The following PNPT1 variants were observed in gnomAD, a reference collection of about 807,000 sequenced individuals.
PNPT1 encodes the protein polyribonucleotide nucleotidyltransferase 1, mitochondrial.
PNPT1 carries 53 observed loss-of-function variants against 119.5 expected under a neutral mutation model. The observed-to-expected ratio is 0.44, with a 90% confidence interval of 0.36 to 0.56. The LOEUF (loss-of-function observed/expected upper bound fraction) is 0.56, where lower values mean the gene tolerates loss of function less well. PNPT1 is among the 20% of genes least tolerant of loss of function. PNPT1 has a pLI of 0.00. For synonymous variants in PNPT1, 357 were observed against 322.1 expected (o/e 1.11, Z -1.16); for missense variants, 948 against 938.5 (o/e 1.01, Z -0.13).
chr2:55,668,807 T>G (rs1696817893), intron 11 of PNPT1, among the ~76,000 whole-genome samples: 1 of 150,570 alleles, frequency 6.6e-6, no homozygotes, highest in Non-Finnish European at 1.5e-5. Flanking sequence ...TCCACGTTGG[T>G]CAGGCTGGGC....
chr2:55,679,749 T>G lies in PNPT1; in HGVS notation c.612A>C (p.Pro204=), dbSNP rs575189952. The G allele has an allele frequency of 1.8e-5, 29 of 1,612,470 alleles. No individual in the cohort carries two copies. The highest frequency in any genetic ancestry group is 3.3e-5 in the South Asian group (3 of 90,764). The part of the protein sequence containing the change: ...GIIDGEYVVN[P]TRKEMSSSTL... ...TACTAGAAGACATTTCTTTTCTTGTTGGGTTAACAACATATTCTCCATCAA... is the reference window on the plus strand; with the variant it reads ...TACTAGAAGACATTTCTTTTCTTGTGGGGTTAACAACATATTCTCCATCAA... The change falls in exon 8 of 28, where the codon CCA becomes CCC. Residue 204 remains proline, a synonymous_variant. Coordinates refer to ENST00000447944, the MANE Select transcript of PNPT1 (RefSeq NM_033109.5).
At chr2:55,661,708 G>A (rs1218901502) in intron 14 of PNPT1, among the ~76,000 whole-genome samples, 1 of 152,156 alleles carries the variant, frequency 6.6e-6, no homozygotes, top group African/African-American at 2.4e-5. Flanking sequence ...TCTAGAGACA[G>A]AGAACAAACT....
In PNPT1 at chr2:55,667,766, G is replaced by GA. The variant is rs965563611; in HGVS notation, c.1073+95dup. 1.6e-4 allele frequency: 237 copies of GA among 1,456,530 alleles called. No individual in the cohort carries two copies. The Admixed American group carries it at 2.1e-3, about 13-fold the overall frequency. 90.2% of individuals were successfully genotyped at this position (1,456,530 alleles called of 1,614,324 possible). A position where few individuals can be genotyped will look rare whatever the true frequency, so the allele number is the denominator to read the frequency against. ...TATTATAATTCTTTACTGTTCACTT[G>GA]AAAAAAAACAAACTTTCTTTGATCA... On this transcript the variant is annotated intron_variant, in intron 12 of 27. Coordinates refer to ENST00000447944, the MANE Select transcript of PNPT1 (RefSeq NM_033109.5).
intron 11 of PNPT1, among the ~76,000 whole-genome samples, chr2:55,670,003 C>A (rs1476186427): frequency 6.6e-6 from 1 of 152,038 alleles, no homozygotes; most frequent in Non-Finnish European, 1.5e-5. Context: ...AAGTGATCCA[C>A]CCACTTTGGC....
intron 18 of PNPT1, among the ~76,000 whole-genome samples, chr2:55,654,543 A>C (rs1393733831): frequency 6.6e-6 from 1 of 152,202 alleles, no homozygotes; most frequent in African/African-American, 2.4e-5. Flanking sequence ...CAATGCAAAT[A>C]AAAATTTTTC....
At position 55,672,125 on chromosome 2, in the gene PNPT1, T is replaced by A. The variant is rs1273374472; in HGVS notation, c.867-79A>T. 4.8e-6 allele frequency: 5 copies of A among 1,045,666 alleles called. No individual in the cohort carries two copies. The Admixed American group carries it at 1.2e-4, about 26-fold the overall frequency. The allele number at this position is 1,045,666 out of a possible 1,614,324, so 64.8% of individuals were successfully genotyped here. On this transcript the variant is annotated intron_variant, in intron 9 of 27. Coordinates refer to ENST00000447944, the MANE Select transcript of PNPT1 (RefSeq NM_033109.5). ...GTTTCTATTATAAACAAAACTGAAA[T>A]ATTTAATAATAATCAGCTAAAACTT...
Position 55,681,702 on chromosome 2 carries a change from G to A in PNPT1, c.454-784C>T, listed in dbSNP as rs192353574. Among the ~76,000 whole-genome samples the A allele has an allele frequency of 5.3e-3, 807 of 151,926 alleles. 4 individuals carry two copies. Among genetic ancestry groups the A allele is most frequent in the African/African-American group, 0.012 (487 of 41,436 alleles). On this transcript the variant is annotated intron_variant, in intron 5 of 27. Transcript: ENST00000447944. ...TCTACTAAAAATACAAAAATTAGCC[G>A]TGCGTGGTAGTGCACGCCTATAATC...
At chr2:55,673,671 A>G (rs1411631916) in intron 8 of PNPT1, among the ~76,000 whole-genome samples, 1 of 152,002 alleles carries the variant, frequency 6.6e-6, no homozygotes, top group Non-Finnish European at 1.5e-5. Context: ...GATGGTCTCA[A>G]TCTCCTGACC....
chr2:55,676,189 A>T (rs998042483), intron 8 of PNPT1, among the ~76,000 whole-genome samples: 2 of 135,746 alleles, frequency 1.5e-5, no homozygotes, highest in African/African-American at 2.8e-5. Context: ...GAACCTGGAG[A>T]TGGAGGTTGC....
At chr2:55,669,145 G>C (rs1325605387) in intron 11 of PNPT1, among the ~76,000 whole-genome samples, 1 of 151,916 alleles carries the variant, frequency 6.6e-6, no homozygotes, top group Admixed American at 6.6e-5. Context: ...TTAAAGGGGT[G>C]AAGTACTGTG....
chr2:55,636,229 A>AG lies in PNPT1; in HGVS notation c.*7_*8insC. On this transcript the variant is annotated 3_prime_UTR_variant, in exon 28 of 28. Transcript: ENST00000447944. The stretch of plus-strand genomic sequence containing the variant: ...ATAGAATTCTAGAATTCTCTTTAAA[A>AG]AAAAAAATCACTGAGAATTAGATGA... 6.2e-7 allele frequency: 1 copy of AG among 1,601,598 alleles called. No homozygotes were observed. The highest frequency in any genetic ancestry group is 8.5e-7 in the Non-Finnish European group (1 of 1,172,766).
At chr2:55,646,575 A>G (rs1696012052) in intron 19 of PNPT1, 89 bp from the exon 20 acceptor site, 4 of 1,020,280 alleles carry the variant, frequency 3.9e-6, no homozygotes, top group African/African-American at 1.6e-5. Context: ...AAACAGCTTT[A>G]GAAGTAAACC....
At position 55,693,748 on chromosome 2, in the gene PNPT1, G is replaced by T. The variant is rs1462606675; in HGVS notation, c.76C>A (p.Arg26=). 3.7e-6 allele frequency: 6 copies of T among 1,614,174 alleles called. No individual in the cohort carries two copies. The highest frequency in any genetic ancestry group is 5.1e-6 in the Non-Finnish European group (6 of 1,180,042). The change falls in exon 1 of 28, where the codon CGG becomes AGG. Residue 26 remains arginine, a synonymous_variant. Transcript: ENST00000447944. ...LSDGPFLLPR[R]DRALTQLQVR... ...TGCAACTGGGTGAGTGCCCGATCCC[G>T]CCGTGGCAGAAGGAAAGGACCATCG...
intron 18 of PNPT1, among the ~76,000 whole-genome samples, chr2:55,648,143 G>A (rs1696058815): frequency 6.6e-6 from 1 of 152,120 alleles, no homozygotes; most frequent in African/African-American, 2.4e-5. Context: ...TAACATTAGT[G>A]TATCCTCCTA....
rs144186032 is a variant in PNPT1, at chr2:55,688,625, C to T, written c.162-920G>A. Among the ~76,000 whole-genome samples the T allele has an allele frequency of 1.3e-4, 19 of 151,860 alleles. 1 individual carries two copies. The East Asian group carries it at 1.9e-3, about 16-fold the overall frequency. On this transcript the variant is annotated intron_variant, in intron 1 of 27. Coordinates refer to ENST00000447944, the MANE Select transcript of PNPT1 (RefSeq NM_033109.5). ...CTATAATCCCAGCTACCAAGGAGGC[C>T]GAGGCAAGAGAACTGCTTGAACCCA...
chr2:55,666,714 C>T (rs956777706), intron 13 of PNPT1, among the ~76,000 whole-genome samples: 8 of 152,080 alleles, frequency 5.3e-5, no homozygotes, highest in Non-Finnish European at 1.0e-4. Flanking sequence ...TAGTGGCACA[C>T]GCCTGTAGTC....
intron 1 of PNPT1, among the ~76,000 whole-genome samples, chr2:55,690,042 A>C (rs1303520363): frequency 6.6e-6 from 1 of 152,098 alleles, no homozygotes; most frequent in Non-Finnish European, 1.5e-5. Flanking sequence ...GGCTGGTCTC[A>C]AACTCCTGGA....
chr2:55,690,603 TA>T (rs1697566053), intron 1 of PNPT1, among the ~76,000 whole-genome samples: 1 of 152,246 alleles, frequency 6.6e-6, no homozygotes, highest in Non-Finnish European at 1.5e-5. Context: ...CTCATTTTGT[TA>T]AGTTTGAAAG....
At chr2:55,649,047 C>T (rs1015183444) in intron 18 of PNPT1, among the ~76,000 whole-genome samples, 4 of 152,114 alleles carry the variant, frequency 2.6e-5, no homozygotes, top group African/African-American at 7.2e-5. Flanking sequence ...AAAAATCTAT[C>T]CCTCCTGTCC....
Sources: gnomAD v4.1 joint callset for allele counts (sites outside exome capture counted in the v4.1 genomes callset) on GRCh38, gnomAD v4.1.1 for gene constraint, MANE v1.5 for transcripts, NCBI Gene and HGNC (gene_info 2026-07-23, HGNC 2026-07-21) for gene names.